Variants in ANGEL2 observed in about 807,000 individuals in gnomAD.
ANGEL2 encodes RNA 2',3'-cyclic phosphatase ANGEL2.
Under a neutral mutation model 66.0 loss-of-function variants are expected in ANGEL2, and 41 were observed. The observed-to-expected ratio is 0.62, with a 90% CI of 0.48 to 0.81. The LOEUF (loss-of-function observed/expected upper bound fraction) is 0.81. Ranked by LOEUF, ANGEL2 falls within the 30% of genes least tolerant of loss-of-function variation. The probability of loss-of-function intolerance (pLI) is 0.00; values close to 1 mark genes in which losing one functional copy is unlikely to be tolerated. For missense variants in ANGEL2, 561 were observed against 641.6 expected, an observed-to-expected ratio of 0.87 and a Z score of 1.36; for synonymous variants, 208 against 226.5, an observed-to-expected ratio of 0.92 and a Z score of 0.73.
Position 212,993,552 on chromosome 1 carries a change from C to T in ANGEL2, c.*1489G>A, listed in dbSNP as rs1374789107. On this transcript the variant is annotated 3_prime_UTR_variant, in exon 9 of 9. Coordinates refer to ENST00000366962, the MANE Select transcript of ANGEL2 (RefSeq NM_144567.5). ...ACTCACTGTAAAAACATTTACAATTCAGTGTAAAATTACTACTTAGTAAAA... is the reference window on the plus strand; with the variant it reads ...ACTCACTGTAAAAACATTTACAATTTAGTGTAAAATTACTACTTAGTAAAA... The T allele has an allele frequency of 6.6e-6, 1 of 152,130 alleles. No homozygotes were observed. Among genetic ancestry groups the T allele is most frequent in the South Asian group, 2.1e-4 (1 of 4,836 alleles). 9.4% of individuals were successfully genotyped at this position (152,130 alleles called of 1,614,324 possible). A position where few individuals can be genotyped will look rare whatever the true frequency, so the allele number is the denominator to read the frequency against.
chr1:213,009,156 G>A (rs1572147489), intron 2 of ANGEL2, among the ~76,000 whole-genome samples: 1 of 152,222 alleles, frequency 6.6e-6, no homozygotes, highest in South Asian at 2.1e-4. Flanking sequence ...ACAACCAGGC[G>A]TGTGTTCATA....
intron 1 of ANGEL2, 80 bp downstream of exon 1, chr1:213,015,533 C>CG: frequency 6.5e-7 from 1 of 1,533,132 alleles, no homozygotes; most frequent in South Asian, 1.2e-5. Context: ...CGCCCCGCCC[C>CG]GGGTTAGTCC....
At chr1:213,004,598 A>C (rs2148154460) in intron 5 of ANGEL2, among the ~76,000 whole-genome samples, 1 of 151,844 alleles carries the variant, frequency 6.6e-6, no homozygotes, top group South Asian at 2.1e-4. Context: ...AGCTGGGCAC[A>C]GTGGCTCACG....
At chr1:213,007,099 GAAA>G (rs202124670) in intron 4 of ANGEL2, 27 bp downstream of exon 4, 482 of 1,385,942 alleles carry the variant, frequency 3.5e-4, no homozygotes, top group Admixed American at 1.0e-3. Flanking sequence ...TCTCAAAAAA[GAAA>G]AAAAAAAAAA....
intron 8 of ANGEL2, 113 bp downstream of exon 8, chr1:212,997,041 TA>T (rs879638999): frequency 1.9e-5 from 18 of 960,332 alleles, no homozygotes; most frequent in Non-Finnish European, 2.6e-5. Flanking sequence ...GAAATATTTT[TA>T]CCTTCTAGAT....
At chr1:213,006,873 G>T (rs2076343679) in intron 4 of ANGEL2, 5 of 386,896 alleles carry the variant, frequency 1.3e-5, no homozygotes, top group Middle Eastern at 6.6e-4. Context: ...ATACTTTAAT[G>T]ACACATGAAT....
At chr1:213,005,634 A>G (rs1406625801) in intron 4 of ANGEL2, among the ~76,000 whole-genome samples, 180 bp from the exon 5 acceptor site, 1 of 152,230 alleles carries the variant, frequency 6.6e-6, no homozygotes, top group Non-Finnish European at 1.5e-5. Flanking sequence ...AGGCCTCTTT[A>G]TGCGCAGACT....
Position 212,994,921 on chromosome 1 carries a change from A to C in ANGEL2, c.*120T>G. On this transcript the variant is annotated 3_prime_UTR_variant, in exon 9 of 9. Transcript: ENST00000366962. ...CTGATATGGAGTTTCAAAGCATCTA[A>C]CATAACCGCTTCAGAATCTCCACAG... 1 of 904,348 alleles carries C rather than the reference A, an allele frequency of 1.1e-6. No homozygotes were observed. The allele number at this position is 904,348 out of a possible 1,614,324, so 56.0% of individuals were successfully genotyped here. A position where few individuals can be genotyped will look rare whatever the true frequency, so the allele number is the denominator to read the frequency against.
In ANGEL2 at chr1:213,000,353, T is replaced by G; in HGVS notation, c.1292A>C (p.Gln431Pro). 1 of 1,613,986 alleles carries G rather than the reference T, an allele frequency of 6.2e-7. No homozygotes were observed. Among genetic ancestry groups the G allele is most frequent in the East Asian group, 2.2e-5 (1 of 44,888 alleles). ...DSDLTQTQLK[Q>P]TEVLVTAEKL... ...TTCAGCTGTCACTAGGACCTCTGTT[T>G]GCTTCAGCTGTGTTTGTGTCAGATC... Residue 431 changes from glutamine (Q) to proline (P), a missense_variant, in exon 7 of 9, where the codon CAA (glutamine) becomes CCA (proline). Coordinates refer to ENST00000366962, the MANE Select transcript of ANGEL2 (RefSeq NM_144567.5).
At chr1:213,015,026 C>CT (rs1380309067) in intron 1 of ANGEL2, 1 of 802,258 alleles carries the variant, frequency 1.2e-6, no homozygotes, top group African/African-American at 1.9e-5. Flanking sequence ...TACTGAAGTG[C>CT]TTTTTAAAAA....
At chr1:212,996,654 T>C (rs1326818826) in intron 8 of ANGEL2, among the ~76,000 whole-genome samples, 2 of 130,766 alleles carry the variant, frequency 1.5e-5, no homozygotes, top group Non-Finnish European at 1.6e-5. Flanking sequence ...TATATATATA[T>C]ATATATATAT....
At chr1:213,010,571 C>CAAAAAAATAAAAAA (rs2076478940) in intron 2 of ANGEL2, among the ~76,000 whole-genome samples, 1 of 110,956 alleles carries the variant, frequency 9.0e-6, no homozygotes. Flanking sequence ...GCCTTCGTCT[C>CAAAAAAATAAAAAA]AAAAAAAAAA....
Position 213,013,073 on chromosome 1 carries a change from A to G in ANGEL2, c.385+20T>C, listed in dbSNP as rs575865868. On this transcript the variant is annotated intron_variant, in intron 2 of 8. Coordinates refer to ENST00000366962, the MANE Select transcript of ANGEL2 (RefSeq NM_144567.5). The stretch of plus-strand genomic sequence containing the variant: ...TATCACTTGTATCTATTTCTACACC[A>G]AGATAAATGTCACCTTTACCTTGGT... 11 of 1,600,766 alleles carry G rather than the reference A, an allele frequency of 6.9e-6. No individual in the cohort carries two copies. The South Asian group carries it at 1.2e-4, about 18-fold the overall frequency.
chr1:212,997,253 G>C lies in ANGEL2; in HGVS notation c.1385C>G (p.Thr462Ser), dbSNP rs763571231. 1.4e-5 allele frequency: 22 copies of C among 1,613,678 alleles called. No individual in the cohort carries two copies. The highest frequency in any genetic ancestry group is 3.3e-5 in the Admixed American group (2 of 60,010). The change falls in exon 8 of 9, where the codon ACT becomes AGT. Residue 462 changes from threonine to serine, a missense_variant. By Grantham distance (58) the Thr-to-Ser change is moderately conservative (BLOSUM62 1). Coordinates refer to ENST00000366962, the MANE Select transcript of ANGEL2 (RefSeq NM_144567.5). Reference protein sequence around the residue: ...SSVYSHYFPDTGIPEVTTCHS... With the variant: ...SSVYSHYFPDSGIPEVTTCHS... ...ACAGGTGGTCACTTCTGGAATTCCAGTGTCAGGAAAGTAATGTGAATAAAC... is the reference window on the plus strand; with the variant it reads ...ACAGGTGGTCACTTCTGGAATTCCACTGTCAGGAAAGTAATGTGAATAAAC...
chr1:213,008,333 A>G lies in ANGEL2; in HGVS notation c.519T>C (p.Asn173=). 1.2e-6 allele frequency: 2 copies of G among 1,614,226 alleles called. No individual in the cohort carries two copies. The highest frequency in any genetic ancestry group is 8.5e-7 in the Non-Finnish European group (1 of 1,180,026). ...CTTCCAGTAAATCTTGTGAAAGTAT[A>G]TTATAGGACATCACTGAAAAGTCAA... is the stretch of plus-strand genomic sequence containing the variant. ...NKFDFSVMSY[N]ILSQDLLEDN... is the part of the protein sequence containing the mutation. The change falls in exon 3 of 9, where the codon AAT becomes AAC. Residue 173 remains asparagine, a synonymous_variant. Transcript: ENST00000366962.
chr1:213,007,007 T>C, intron 4 of ANGEL2, 122 bp downstream of exon 4: 1 of 850,158 alleles, frequency 1.2e-6, no homozygotes, highest in Non-Finnish European at 1.8e-6. Flanking sequence ...AATGAGAGGA[T>C]TACTTGAGCC....
At position 213,014,959 on chromosome 1, in the gene ANGEL2, C is replaced by T. The variant is rs59188657; in HGVS notation, c.59+654G>A. 2.6e-3 allele frequency among the ~76,000 whole-genome samples: 391 copies of T among 152,298 alleles called. 2 individuals are homozygous for T. The highest frequency in any genetic ancestry group is 8.6e-3 in the African/African-American group (359 of 41,562). Reference sequence around the variant, plus strand: ...TTTATTAGGAAAAAACATAATCGCACATCAAATCCAAGACTCTGCAGACAC... The same window carrying T: ...TTTATTAGGAAAAAACATAATCGCATATCAAATCCAAGACTCTGCAGACAC... On this transcript the variant is annotated intron_variant, in intron 1 of 8. Transcript: ENST00000366962.
At position 213,000,526 on chromosome 1, in the gene ANGEL2, C is replaced by T. The variant is rs1470690106; in HGVS notation, c.1262-143G>A. ...GTTTCATTCTGGAATCTATATATTTCGATGGCCTCCAGAATTAGGAAAAAT... is the reference window on the plus strand; with the variant it reads ...GTTTCATTCTGGAATCTATATATTTTGATGGCCTCCAGAATTAGGAAAAAT... On this transcript the variant is annotated intron_variant, in intron 6 of 8. Coordinates refer to ENST00000366962, the MANE Select transcript of ANGEL2 (RefSeq NM_144567.5). 9 of 793,402 alleles carry T rather than the reference C, an allele frequency of 1.1e-5. No individual in the cohort carries two copies. In the South Asian group the frequency reaches 1.3e-4, roughly 11 times the overall value. The allele number at this position is 793,402 out of a possible 1,614,324, so 49.1% of individuals were successfully genotyped here.
In ANGEL2 at chr1:213,005,594, GAAT is replaced by G. The variant is rs1440081347; in HGVS notation, c.713-143_713-141del. ...TAATGTAGGATGTCAATAAACATTG[GAAT>G]AAAAAACGTTTGACACTGGGTCTAA... On this transcript the variant is annotated intron_variant, in intron 4 of 8. Coordinates refer to ENST00000366962, the MANE Select transcript of ANGEL2 (RefSeq NM_144567.5). 5.2e-6 allele frequency: 5 copies of G among 970,006 alleles called. No homozygotes were observed. In the African/African-American group the frequency reaches 8.3e-5, roughly 16 times the overall value. 60.1% of individuals were successfully genotyped at this position (970,006 alleles called of 1,614,324 possible).
Sources: allele counts gnomAD v4.1 joint callset (sites outside exome capture counted in the v4.1 genomes callset), GRCh38; gene constraint gnomAD v4.1.1; transcripts MANE v1.5; gene names NCBI Gene and HGNC (gene_info 2026-07-23, HGNC 2026-07-21).